The following MYO7B variants were observed in gnomAD, a reference collection of about 807,000 sequenced individuals.
MYO7B encodes the protein unconventional myosin-VIIb.
MYO7B carries 212 observed loss-of-function variants against 259.7 expected under a neutral mutation model. That is an observed-to-expected ratio of 0.82 (90% CI 0.73 to 0.91). The LOEUF (loss-of-function observed/expected upper bound fraction) is 0.91, where lower values mean the gene tolerates loss of function less well. Ranked by LOEUF, MYO7B falls within the 40% of genes least tolerant of loss-of-function variation. The probability of loss-of-function intolerance (pLI) is 0.00; values close to 1 mark genes in which losing one functional copy is unlikely to be tolerated. For missense variants in MYO7B, 2,732 were observed against 2,813.5 expected (o/e 0.97, Z 0.66); for synonymous variants, 1,197 against 1,166.4 (o/e 1.03, Z -0.54).
chr2:127,536,052 AG>A (rs1692761171), intron 1 of MYO7B, among the ~76,000 whole-genome samples: 1 of 151,928 alleles, frequency 6.6e-6, no homozygotes, highest in South Asian at 2.1e-4. Flanking sequence ...GAGGAGGAGG[AG>A]GGGGAGAAGC....
At position 127,628,636 on chromosome 2, in the gene MYO7B, C is replaced by T. The variant is rs540615541; in HGVS notation, c.4624+101C>T. ...CATGCTCATCTCCACACAGCAGCCA[C>T]AAGGCAAGCAGAGGGAGGGAAGGCC... On this transcript the variant is annotated intron_variant, in intron 34 of 47. Transcript: ENST00000409816. The surrounding 1 kb of genome is among the most constrained non-coding windows in gnomAD (Gnocchi z 4.8). The T allele has an allele frequency of 2.7e-5, 35 of 1,278,686 alleles. No individual in the cohort carries two copies. In the East Asian group the frequency reaches 5.8e-4, roughly 21 times the overall value. 79.2% of individuals were successfully genotyped at this position (1,278,686 alleles called of 1,614,324 possible). A position where few individuals can be genotyped will look rare whatever the true frequency, so the allele number is the denominator to read the frequency against.
chr2:127,545,951 T>C lies in MYO7B; in HGVS notation c.-24+10120T>C, dbSNP rs183316637. Among the ~76,000 whole-genome samples, 29 of 152,352 alleles carry C rather than the reference T, an allele frequency of 1.9e-4. No individual in the cohort carries two copies. The East Asian group carries it at 4.8e-3, about 25-fold the overall frequency. ...GGGCTAGCCCCAAATTCAGGGTGTT[T>C]GGCCCGGATCTAGACTCTGGTGACT... On this transcript the variant is annotated intron_variant, in intron 1 of 47. Transcript: ENST00000409816.
rs941563204 is a variant in MYO7B, at chr2:127,627,577, A to G, written c.4460+267A>G. The G allele has an allele frequency of 2.4e-5, 14 of 587,590 alleles. No homozygotes were observed. The East Asian group carries it at 5.5e-4, about 23-fold the overall frequency. The allele number at this position is 587,590 out of a possible 1,614,324, so 36.4% of individuals were successfully genotyped here. A position where few individuals can be genotyped will look rare whatever the true frequency, so the allele number is the denominator to read the frequency against. On this transcript the variant is annotated intron_variant, in intron 33 of 47. Transcript: ENST00000409816. The surrounding 1 kb of genome is among the most constrained non-coding windows in gnomAD (Gnocchi z 5.6). ...AAACCCAGGTCCACCCGGAAGGGGCAGGGAAGCGTGCAGCCTCTGGCGGGC... is the reference window on the plus strand; with the variant it reads ...AAACCCAGGTCCACCCGGAAGGGGCGGGGAAGCGTGCAGCCTCTGGCGGGC...
chr2:127,577,681 C>G lies in MYO7B; in HGVS notation c.850-452C>G, dbSNP rs1365474268. ...CTCCAAGAAGCCTTTCTCCACCTCTCGATAGGGCTGGCCCCGGCCCCTGTG... is the reference window on the plus strand; with the variant it reads ...CTCCAAGAAGCCTTTCTCCACCTCTGGATAGGGCTGGCCCCGGCCCCTGTG... On this transcript the variant is annotated intron_variant, in intron 8 of 47. Transcript: ENST00000409816. The surrounding 1 kb of genome is among the most constrained non-coding windows in gnomAD (Gnocchi z 5.2). 6.6e-6 allele frequency among the ~76,000 whole-genome samples: 1 copy of G among 152,176 alleles called. No individual in the cohort carries two copies. The highest frequency in any genetic ancestry group is 6.5e-5 in the Admixed American group (1 of 15,278).
rs1420360767 is a variant in MYO7B, at chr2:127,574,197, T to G, written c.735+135T>G. The stretch of plus-strand genomic sequence containing the variant: ...AGAACCCACAGGCCTCACTGGATAA[T>G]GAGGGCCCTTCCCCAGTATTCCAGG... On this transcript the variant is annotated intron_variant, in intron 7 of 47. Coordinates refer to ENST00000409816, the MANE Select transcript of MYO7B (RefSeq NM_001393586.1). The G allele has an allele frequency of 6.1e-6, 7 of 1,149,996 alleles. No individual in the cohort carries two copies. In the African/African-American group the frequency reaches 1.1e-4, roughly 18 times the overall value. The allele number at this position is 1,149,996 out of a possible 1,614,324, so 71.2% of individuals were successfully genotyped here.
At position 127,613,918 on chromosome 2, in the gene MYO7B, G is replaced by A. The variant is rs1680479386; in HGVS notation, c.3398+1315G>A. On this transcript the variant is annotated intron_variant, in intron 26 of 47. Coordinates refer to ENST00000409816, the MANE Select transcript of MYO7B (RefSeq NM_001393586.1). This position sits in a 1 kb window ranked among gnomAD's most constrained non-coding sequence, Gnocchi z 4.3. ...TATGTGCAAAATTTAGGACTCCTCT[G>A]ATTGTCTTTATTCCAAGATTTCCCT... Among the ~76,000 whole-genome samples the A allele has an allele frequency of 6.6e-6, 1 of 152,182 alleles. No individual in the cohort carries two copies. The highest frequency in any genetic ancestry group is 1.5e-5 in the Non-Finnish European group (1 of 68,028).
At chr2:127,619,974 A>C (rs1680763534) in intron 26 of MYO7B, 1 of 161,558 alleles carries the variant, frequency 6.2e-6, no homozygotes, top group African/African-American at 2.4e-5. Flanking sequence ...TGGGGCCTCA[A>C]GGCAGAGAGA....
At position 127,635,979 on chromosome 2, in the gene MYO7B, C is replaced by T. The variant is rs56412754; in HGVS notation, c.6006+72C>T. On this transcript the variant is annotated intron_variant, in intron 44 of 47. Transcript: ENST00000409816. ...TGGGCCCCTGCACCAGTGCCATGCC[C>T]TGCCTGGGCTCCAAGATCACATGGG... The T allele has an allele frequency of 5.2e-4, 771 of 1,496,582 alleles. 1 individual carries two copies. In the African/African-American group the frequency reaches 8.3e-3, roughly 16 times the overall value. 92.7% of individuals were successfully genotyped at this position (1,496,582 alleles called of 1,614,324 possible).
intron 1 of MYO7B, among the ~76,000 whole-genome samples, chr2:127,543,493 T>A (rs1254895313): frequency 1.3e-5 from 2 of 152,138 alleles, no homozygotes; most frequent in African/African-American, 4.8e-5. Context: ...GTCTCTTATG[T>A]CTACTTCTTT....
chr2:127,550,596 C>T (rs1284046981), intron 1 of MYO7B, among the ~76,000 whole-genome samples: 4 of 149,876 alleles, frequency 2.7e-5, no homozygotes, highest in Non-Finnish European at 5.9e-5. Flanking sequence ...TTTAGTGGTG[C>T]CCCAGAAGCA....
chr2:127,632,103 G>A, intron 38 of MYO7B, 143 bp from the exon 39 acceptor site: 1 of 1,002,294 alleles, frequency 1.0e-6, no homozygotes, highest in African/African-American at 1.6e-5. Flanking sequence ...GGCACAGCTG[G>A]CATGGTGCAG....
intron 5 of MYO7B, 69 bp from the exon 6 acceptor site, chr2:127,569,720 G>A: frequency 6.5e-7 from 1 of 1,541,166 alleles, no homozygotes; most frequent in Non-Finnish European, 8.8e-7. Flanking sequence ...GGGGTTTGCA[G>A]GAGAGTTGAG....
chr2:127,577,896 GAGA>G lies in MYO7B; in HGVS notation c.850-231_850-229del, dbSNP rs72218998. ...GGGACGAACGACAAATAGAGGATCA[GAGA>G]AGAAGTGTGACTTGGCCAAGGTCAC... is the stretch of plus-strand genomic sequence containing the variant. On this transcript the variant is annotated intron_variant, in intron 8 of 47. Transcript: ENST00000409816. The surrounding 1 kb of genome is among the most constrained non-coding windows in gnomAD (Gnocchi z 5.2). Among the ~76,000 whole-genome samples, 2,417 of 152,350 alleles carry G rather than the reference GAGA, an allele frequency of 0.016. 68 individuals are homozygous for G. Among genetic ancestry groups the G allele is most frequent in the African/African-American group, 0.055 (2,292 of 41,572 alleles).
chr2:127,594,915 A>T (rs1679704797), intron 18 of MYO7B, among the ~76,000 whole-genome samples: 1 of 152,078 alleles, frequency 6.6e-6, no homozygotes, highest in Non-Finnish European at 1.5e-5. Context: ...GTTCATCAGG[A>T]ATATTGGCCT....
chr2:127,632,502 G>A (rs367793702), intron 39 of MYO7B, 101 bp downstream of exon 39: 2 of 1,409,564 alleles, frequency 1.4e-6, no homozygotes, highest in African/African-American at 2.9e-5. Flanking sequence ...GTCCTGGGAG[G>A]ACTCTCCAGA....
chr2:127,554,753 T>A (rs1287302911), intron 1 of MYO7B, among the ~76,000 whole-genome samples: 1 of 152,124 alleles, frequency 6.6e-6, no homozygotes, highest in Non-Finnish European at 1.5e-5. Context: ...ACCATGTCAG[T>A]CTTGCTGCTT....
rs1692752773 is a variant in MYO7B at position 127,535,873 on chromosome 2, G to A, written c.-24+42G>A. 6.6e-6 allele frequency: 1 copy of A among 152,606 alleles called. No individual in the cohort carries two copies. Among genetic ancestry groups the A allele is most frequent in the African/African-American group, 2.4e-5 (1 of 41,434 alleles). 9.5% of individuals were successfully genotyped at this position (152,606 alleles called of 1,614,324 possible). On this transcript the variant is annotated intron_variant, in intron 1 of 47. Coordinates refer to ENST00000409816, the MANE Select transcript of MYO7B (RefSeq NM_001393586.1). The surrounding 1 kb of genome is among the most constrained non-coding windows in gnomAD (Gnocchi z 4.8). ...GGCGTGTCTGCCAGCGGGGAGTAGG[G>A]GGTCACCTCTCTGAAGAGGGTCGCT...
intron 30 of MYO7B, among the ~76,000 whole-genome samples, chr2:127,624,754 G>A (rs540976526): frequency 1.2e-4 from 19 of 152,244 alleles, no homozygotes; most frequent in Middle Eastern, 3.2e-3. Context: ...CACCTGGACC[G>A]TGCGGAGTGT....
At position 127,611,990 on chromosome 2, in the gene MYO7B, T is replaced by C. The variant is rs1573691380; in HGVS notation, c.3193-260T>C. 6.6e-6 allele frequency among the ~76,000 whole-genome samples: 1 copy of C among 152,166 alleles called. No homozygotes were observed. Among genetic ancestry groups the C allele is most frequent in the Admixed American group, 6.5e-5 (1 of 15,284 alleles). On this transcript the variant is annotated intron_variant, in intron 24 of 47. Coordinates refer to ENST00000409816, the MANE Select transcript of MYO7B (RefSeq NM_001393586.1). The surrounding 1 kb of genome is among the most constrained non-coding windows in gnomAD (Gnocchi z 5.4). ...CCCTGAGCCCCTCCCTGGGGGCTGG[T>C]GACCCACTGAGCAGCTTTTGTCTAG...
Sources: allele counts gnomAD v4.1 joint callset (sites outside exome capture counted in the v4.1 genomes callset), GRCh38; gene constraint gnomAD v4.1.1; non-coding constraint Gnocchi (gnomAD v3.1); transcripts MANE v1.5; gene names NCBI Gene and HGNC (gene_info 2026-07-23, HGNC 2026-07-21).